ULK4: variants seen among roughly 807,000 people sequenced by gnomAD.
ULK4 encodes unc-51 like kinase 4, also known as inactive serine/threonine-protein kinase ULK4.
Under a neutral mutation model 160.6 loss-of-function variants are expected in ULK4, and 133 were observed. The observed-to-expected ratio is 0.83, with a 90% CI of 0.72 to 0.96. ULK4 has a LOEUF of 0.96. Ranked by LOEUF, ULK4 falls within the 40% of genes least tolerant of loss-of-function variation. The pLI is 0.00. For synonymous variants in ULK4, 534 were observed against 539.8 expected (o/e 0.99, Z 0.15); for missense variants, 1,580 against 1,499.5 (o/e 1.05, Z -0.89).
intron 25 of ULK4, among the ~76,000 whole-genome samples, chr3:41,707,705 C>G (rs1431141559): frequency 6.6e-6 from 1 of 152,034 alleles, no homozygotes; most frequent in Middle Eastern, 3.2e-3. Context: ...TGGCATGCAC[C>G]TGTAGCCTTA....
chr3:41,272,888 G>A (rs1055284761), intron 35 of ULK4, among the ~76,000 whole-genome samples: 1 of 151,852 alleles, frequency 6.6e-6, no homozygotes, highest in Admixed American at 6.6e-5. Flanking sequence ...TTTTTCCTCA[G>A]ATATTATAGT....
At chr3:41,387,274 CTT>C (rs2081838551) in intron 35 of ULK4, among the ~76,000 whole-genome samples, 1 of 152,176 alleles carries the variant, frequency 6.6e-6, no homozygotes, top group East Asian at 1.9e-4. Flanking sequence ...ACCTACAACT[CTT>C]TGAAACTATT....
chr3:41,509,085 T>C (rs2085488490), intron 32 of ULK4, among the ~76,000 whole-genome samples: 1 of 151,800 alleles, frequency 6.6e-6, no homozygotes, highest in Admixed American at 6.6e-5. Context: ...ATACAGGATA[T>C]GAAAGGAGAA....
At chr3:41,497,061 A>C (rs904993046) in intron 32 of ULK4, among the ~76,000 whole-genome samples, 7 of 124,164 alleles carry the variant, frequency 5.6e-5, no homozygotes, top group Admixed American at 5.5e-4. Flanking sequence ...AAAAGATATT[A>C]AATAGAGACA....
chr3:41,653,116 A>T (rs2034806470), intron 30 of ULK4, among the ~76,000 whole-genome samples: 1 of 152,178 alleles, frequency 6.6e-6, no homozygotes, highest in Non-Finnish European at 1.5e-5. Flanking sequence ...GCCTTCGGGC[A>T]TATCTTTCCA....
At chr3:41,632,616 A>G (rs778865274) in intron 30 of ULK4, among the ~76,000 whole-genome samples, 6 of 152,190 alleles carry the variant, frequency 3.9e-5, no homozygotes, top group Non-Finnish European at 8.8e-5. Context: ...TCTGAAGAGC[A>G]TTGCAAAGGC....
intron 21 of ULK4, among the ~76,000 whole-genome samples, chr3:41,788,392 G>A (rs777075441): frequency 3.3e-5 from 5 of 152,030 alleles, no homozygotes; most frequent in African/African-American, 4.8e-5. Flanking sequence ...GAATTGAAAG[G>A]TACACCTCTC....
chr3:41,859,919 C>T (rs1177001698), intron 17 of ULK4, among the ~76,000 whole-genome samples: 4 of 150,668 alleles, frequency 2.7e-5, no homozygotes, highest in East Asian at 3.9e-4. Context: ...CCACCCACCT[C>T]GGCATCCCAA....
intron 1 of ULK4, among the ~76,000 whole-genome samples, chr3:41,961,685 G>C (rs1329664747): frequency 1.3e-5 from 2 of 152,136 alleles, no homozygotes; most frequent in African/African-American, 4.8e-5. Flanking sequence ...GGGCGGTGAA[G>C]ACGCGGTCCG....
chr3:41,792,345 A>C (rs2040175459), intron 20 of ULK4, among the ~76,000 whole-genome samples: 1 of 152,124 alleles, frequency 6.6e-6, no homozygotes, highest in Non-Finnish European at 1.5e-5. Context: ...TTTAAAAATG[A>C]GTCTAAAATT....
intron 35 of ULK4, among the ~76,000 whole-genome samples, chr3:41,337,811 G>A (rs544537007): frequency 2.6e-5 from 4 of 152,092 alleles, no homozygotes; most frequent in East Asian, 3.9e-4. Flanking sequence ...AGCCCTCTGG[G>A]TTTCCTATCC....
At chr3:41,868,367 T>A (rs184349083) in intron 17 of ULK4, among the ~76,000 whole-genome samples, 167 of 152,354 alleles carry the variant, frequency 1.1e-3, no homozygotes, top group African/African-American at 3.9e-3. Flanking sequence ...CTCCCTTAAT[T>A]TCTACTGTTA....
At chr3:41,731,792 C>A (rs1306490434) in intron 22 of ULK4, among the ~76,000 whole-genome samples, 1 of 151,812 alleles carries the variant, frequency 6.6e-6, no homozygotes, top group Non-Finnish European at 1.5e-5. Flanking sequence ...GACACACAGA[C>A]CAATGACACA....
chr3:41,598,921 G>T (rs1274815936), intron 31 of ULK4, among the ~76,000 whole-genome samples: 1 of 152,214 alleles, frequency 6.6e-6, no homozygotes, highest in Non-Finnish European at 1.5e-5. Flanking sequence ...AGAAATCAAG[G>T]TGTCCACTGG....
At chr3:41,389,410 T>C (rs2081901842) in intron 35 of ULK4, among the ~76,000 whole-genome samples, 1 of 152,178 alleles carries the variant, frequency 6.6e-6, no homozygotes, top group South Asian at 2.1e-4. Flanking sequence ...AACACTATGT[T>C]GAATAGGAGT....
intron 21 of ULK4, among the ~76,000 whole-genome samples, chr3:41,767,621 G>A (rs1487530948): frequency 1.3e-5 from 2 of 151,614 alleles, no homozygotes; most frequent in Admixed American, 6.6e-5. Context: ...ATTCATAATT[G>A]AGCCATGCAA....
chr3:41,584,056 CTGG>C (rs2030592802), intron 31 of ULK4, among the ~76,000 whole-genome samples: 1 of 152,148 alleles, frequency 6.6e-6, no homozygotes, highest in African/African-American at 2.4e-5. Flanking sequence ...AAGTGGTTCT[CTGG>C]GCCAAATCTT....
intron 30 of ULK4, among the ~76,000 whole-genome samples, chr3:41,627,605 A>C (rs2033577063): frequency 6.6e-6 from 1 of 152,190 alleles, no homozygotes; most frequent in Non-Finnish European, 1.5e-5. Flanking sequence ...TCTGGCAACT[A>C]CCTCAGTATT....
intron 34 of ULK4, among the ~76,000 whole-genome samples, chr3:41,429,499 C>A (rs144531617): frequency 6.6e-6 from 1 of 152,148 alleles, no homozygotes; most frequent in Admixed American, 6.5e-5. Context: ...GGAATCAACA[C>A]AAATGCCCAT....
Sources: gnomAD v4.1 joint callset for allele counts (sites outside exome capture counted in the v4.1 genomes callset) on GRCh38, gnomAD v4.1.1 for gene constraint, MANE v1.5 for transcripts, NCBI Gene and HGNC (gene_info 2026-07-23, HGNC 2026-07-21) for gene names.